UNC79: variants seen among roughly 807,000 people sequenced by gnomAD.
UNC79 encodes unc-79 subunit of NALCN channel complex, also known as protein unc-79 homolog.
Under a neutral mutation model 283.1 loss-of-function variants are expected in UNC79, and 37 were observed. That is an observed-to-expected ratio of 0.13 (90% CI 0.10 to 0.17). The LOEUF is 0.17. Ranked by LOEUF, UNC79 falls within the 10% of genes least tolerant of loss-of-function variation. The probability of loss-of-function intolerance (pLI) is 1.00; values close to 1 mark genes in which losing one functional copy is unlikely to be tolerated. For missense variants in UNC79, 2,272 were observed against 3,211.1 expected (o/e 0.71, Z 7.07); for synonymous variants, 1,107 against 1,200.2 (o/e 0.92, Z 1.61).
intron 12 of UNC79, among the ~76,000 whole-genome samples, chr14:93,540,341 T>C (rs914666437): frequency 6.6e-6 from 1 of 152,238 alleles, no homozygotes; most frequent in African/African-American, 2.4e-5. Context: ...CATTGACTTA[T>C]AGTGGGATGG....
At chr14:93,526,965 T>C (rs931921768) in intron 8 of UNC79, among the ~76,000 whole-genome samples, 1 of 152,214 alleles carries the variant, frequency 6.6e-6, no homozygotes, top group African/African-American at 2.4e-5. Flanking sequence ...ATCTCTGTGA[T>C]AGTGAGCTGT....
rs549645385 is a variant in UNC79 at position 93,491,284 on chromosome 14, T to A, written c.712+3529T>A. ...CATTCTTTAAGTATGAAATCTCTTA[T>A]GATTATTATATAGATATAATTAAAA... is the stretch of plus-strand genomic sequence containing the variant. On this transcript the variant is annotated intron_variant, in intron 5 of 48. Coordinates refer to ENST00000555664, the Ensembl canonical transcript of UNC79. Among the ~76,000 whole-genome samples the A allele has an allele frequency of 1.0e-3, 158 of 152,134 alleles. 1 individual carries two copies. Among genetic ancestry groups the A allele is most frequent in the African/African-American group, 3.6e-3 (149 of 41,540 alleles).
chr14:93,697,573 C>T (rs867088241), intron 47 of UNC79, among the ~76,000 whole-genome samples: 2 of 151,996 alleles, frequency 1.3e-5, no homozygotes, highest in African/African-American at 2.4e-5. Context: ...ATTTGCCATT[C>T]GAGATAAATT....
At chr14:93,662,066 C>T (rs760693549) in intron 39 of UNC79, among the ~76,000 whole-genome samples, 5 of 152,190 alleles carry the variant, frequency 3.3e-5, no homozygotes, top group Admixed American at 1.3e-4. Flanking sequence ...ACTGATCCTT[C>T]ATGGGTAGGA....
intron 14 of UNC79, among the ~76,000 whole-genome samples, chr14:93,555,043 A>C (rs1232424570): frequency 6.6e-6 from 1 of 152,210 alleles, no homozygotes; most frequent in Admixed American, 6.5e-5. Context: ...AACAGTTATC[A>C]AAAGTCATAG....
intron 22 of UNC79, among the ~76,000 whole-genome samples, chr14:93,591,785 C>T (rs891624215): frequency 6.6e-6 from 1 of 152,192 alleles, no homozygotes; most frequent in African/African-American, 2.4e-5. Context: ...TACGGTATTG[C>T]ACTAAACACA....
chr14:93,431,017 A>G (rs1432249442), exon 1 of UNC79: 4 of 701,162 alleles, frequency 5.7e-6, no homozygotes, highest in Admixed American at 4.0e-5. Context: ...AGCCTTTCCA[A>G]CTGGACAGCA....
intron 29 of UNC79, among the ~76,000 whole-genome samples, chr14:93,620,149 A>T (rs1453743493): frequency 6.6e-6 from 1 of 152,244 alleles, no homozygotes; most frequent in African/African-American, 2.4e-5. Flanking sequence ...AGTGTCAAAG[A>T]TTCTTTCTGG....
At chr14:93,481,825 C>G (rs1398089607) in intron 4 of UNC79, among the ~76,000 whole-genome samples, 1 of 152,056 alleles carries the variant, frequency 6.6e-6, no homozygotes, top group Non-Finnish European at 1.5e-5. Context: ...TTATTAGCTA[C>G]TGGTTGTTTT....
intron 24 of UNC79, 78 bp from the exon 25 acceptor site, chr14:93,600,491 G>A: frequency 9.8e-7 from 1 of 1,021,152 alleles, no homozygotes; most frequent in African/African-American, 1.6e-5. Flanking sequence ...ACTTTGCCTA[G>A]TATATCGGCT....
chr14:93,706,676 A>T, intron 48 of UNC79, 28 bp from the exon 52 acceptor site: 3 of 1,613,326 alleles, frequency 1.9e-6, no homozygotes, highest in Non-Finnish European at 2.5e-6. Flanking sequence ...AAAGAAATAA[A>T]CTAAAACCTC....
chr14:93,363,707 A>G (rs141686206), intron 1 of UNC79, among the ~76,000 whole-genome samples: 182 of 151,880 alleles, frequency 1.2e-3, no homozygotes, highest in African/African-American at 4.2e-3. Flanking sequence ...AACACTTTAT[A>G]TCACTATGTA....
Position 93,430,781 on chromosome 14 carries a change from A to C in UNC79, c.-249A>C, listed in dbSNP as rs973247423. The C allele has an allele frequency of 1.8e-5, 8 of 441,220 alleles. No individual in the cohort carries two copies. Among genetic ancestry groups the C allele is most frequent in the Middle Eastern group, 6.4e-4 (1 of 1,560 alleles). The allele number at this position is 441,220 out of a possible 1,614,324, so 27.3% of individuals were successfully genotyped here. On this transcript the variant is annotated 5_prime_UTR_variant, in exon 1 of 49. Transcript: ENST00000555664. The surrounding 1 kb of genome is among the most constrained non-coding windows in gnomAD (Gnocchi z 4.6). ...CGGGCAGCTCCAGGAGGGGACGGAC[A>C]GGAAGCCTTTGGCCGCCTATTAAAT...
chr14:93,390,741 A>T (rs1307011303), intron 1 of UNC79, among the ~76,000 whole-genome samples: 1 of 152,216 alleles, frequency 6.6e-6, no homozygotes, highest in African/African-American at 2.4e-5. Context: ...TTCTTGGAAT[A>T]AATCTATGAA....
chr14:93,438,738 G>T (rs895562509), intron 1 of UNC79, among the ~76,000 whole-genome samples: 19 of 148,732 alleles, frequency 1.3e-4, no homozygotes, highest in Non-Finnish European at 2.5e-4. Flanking sequence ...TAAACAAGTT[G>T]AATAACTCCA....
At chr14:93,337,868 C>T (rs2053612341) in intron 1 of UNC79, among the ~76,000 whole-genome samples, 1 of 152,116 alleles carries the variant, frequency 6.6e-6, no homozygotes, top group African/African-American at 2.4e-5. Flanking sequence ...TTTGCCTTGT[C>T]CAGATGCTGG....
exon 35 of UNC79, chr14:93,646,619 G>A: frequency 6.2e-7 from 1 of 1,613,894 alleles, no homozygotes. Context: ...TTGGCATCCA[G>A]TACTACCTTT....
chr14:93,337,439 C>G (rs924828720), intron 1 of UNC79, among the ~76,000 whole-genome samples: 11 of 152,198 alleles, frequency 7.2e-5, no homozygotes, highest in African/African-American at 2.7e-4. Flanking sequence ...GGCTAGCTGA[C>G]CTGTGGATGG....
chr14:93,637,415 A>C, intron 32 of UNC79, 116 bp downstream of exon 35: 1 of 1,490,148 alleles, frequency 6.7e-7, no homozygotes. Context: ...AGTGGGGATG[A>C]CCTTTGCCCA....
Sources: allele counts gnomAD v4.1 joint callset (sites outside exome capture counted in the v4.1 genomes callset), GRCh38; gene constraint gnomAD v4.1.1; non-coding constraint Gnocchi (gnomAD v3.1); transcripts MANE v1.5; gene names NCBI Gene and HGNC (gene_info 2026-07-23, HGNC 2026-07-21).